The following TRNT1 variants were observed in gnomAD, a reference collection of about 807,000 sequenced individuals.
TRNT1 encodes the protein CCA tRNA nucleotidyltransferase 1, mitochondrial.
Under a neutral mutation model 45.6 loss-of-function variants are expected in TRNT1, and 44 were observed. The observed-to-expected ratio is 0.97, with a 90% CI of 0.76 to 1.24. TRNT1 has a LOEUF of 1.24. Among genes scored for constraint, TRNT1 ranks in the 50% most tolerant of loss-of-function variants. The probability of loss-of-function intolerance (pLI) is 0.00; values close to 1 mark genes in which losing one functional copy is unlikely to be tolerated. For synonymous variants in TRNT1, 201 were observed against 171.4 expected (o/e 1.17, Z -1.35); for missense variants, 633 against 504.4 (o/e 1.25, Z -2.44).
rs1034394338 is a variant in TRNT1, at chr3:3,130,051, C to T, written c.148+863C>T. On this transcript the variant is annotated intron_variant, in intron 2 of 7. Transcript: ENST00000251607. ...AGTGCCAGTAGCTTCTTGCTGTTGC[C>T]ACAGTTTCATTAGTGTTGATTCTCA... is the stretch of plus-strand genomic sequence containing the variant. 3.1e-6 allele frequency: 4 copies of T among 1,287,680 alleles called. No homozygotes were observed. In the East Asian group the frequency reaches 1.0e-4, roughly 33 times the overall value. 79.8% of individuals were successfully genotyped at this position (1,287,680 alleles called of 1,614,324 possible). A position where few individuals can be genotyped will look rare whatever the true frequency, so the allele number is the denominator to read the frequency against.
At position 3,137,661 on chromosome 3, in the gene TRNT1, C is replaced by A. The variant is rs140275799; in HGVS notation, c.342+208C>A. On this transcript the variant is annotated intron_variant, in intron 3 of 7. Coordinates refer to ENST00000251607, the MANE Select transcript of TRNT1 (RefSeq NM_182916.3). ...TTTCTAAAAAGACCTTTGTATGCTA[C>A]GGGTATTTACTTTTCAGTTTTTACT... is the stretch of plus-strand genomic sequence containing the variant. 1.1e-3 allele frequency among the ~76,000 whole-genome samples: 163 copies of A among 152,048 alleles called. 2 individuals are homozygous for A. The highest frequency in any genetic ancestry group is 3.7e-3 in the African/African-American group (154 of 41,390).
intron 4 of TRNT1, 135 bp from the exon 5 acceptor site, chr3:3,144,449 G>A: frequency 1.3e-6 from 1 of 771,280 alleles, no homozygotes; most frequent in South Asian, 1.6e-5. Context: ...TGATATGTAT[G>A]AATACGTATG....
Position 3,146,615 on chromosome 3 carries a change from C to T in TRNT1, c.794C>T (p.Pro265Leu). 6.2e-7 allele frequency: 1 copy of T among 1,605,808 alleles called. No homozygotes were observed. Among genetic ancestry groups the T allele is most frequent in the Non-Finnish European group, 8.5e-7 (1 of 1,176,518 alleles). The stretch of plus-strand genomic sequence containing the variant: ...CTTATCTATGATCTTGATGTGGCTC[C>T]TTATATAGGTGAGAGCAAGTTATAA... The part of the protein sequence containing the change: ...IHLIYDLDVA[P>L]YIGLPANASL... Residue 265 changes from proline to leucine, a missense_variant, in exon 6 of 8, where the codon CCT (proline) becomes CTT (leucine). Pro to Leu is a moderately conservative substitution (Grantham distance 98, BLOSUM62 -3). Transcript: ENST00000251607.
chr3:3,149,622 G>C (rs1360034001), downstream of TRNT1: 1 of 152,082 alleles, frequency 6.6e-6, no homozygotes, highest in Non-Finnish European at 1.5e-5. Flanking sequence ...GAACAAACCA[G>C]ACCAGTGAAG....
Position 3,146,481 on chromosome 3 carries a change from G to A in TRNT1, c.660G>A (p.Leu220=), listed in dbSNP as rs1231980891. 1 of 1,613,938 alleles carries A rather than the reference G, an allele frequency of 6.2e-7. No homozygotes were observed. Among genetic ancestry groups the A allele is most frequent in the Non-Finnish European group, 8.5e-7 (1 of 1,179,940 alleles). ...DKPGDHDPET[L]EAIAENAKGL... ...CTGGTGACCATGATCCTGAGACTTT[G>A]GAAGCAATTGCAGAAAATGCAAAAG... The change falls in exon 6 of 8, where the codon TTG becomes TTA. Residue 220 remains leucine, a synonymous_variant. Transcript: ENST00000251607.
chr3:3,134,586 C>G (rs1705210655), intron 2 of TRNT1, among the ~76,000 whole-genome samples: 1 of 152,152 alleles, frequency 6.6e-6, no homozygotes, highest in Admixed American at 6.5e-5. Flanking sequence ...TGACCTTCTT[C>G]ATCCCACTGT....
At chr3:3,144,964 AT>A (rs1336849185) in intron 5 of TRNT1, 1 of 227,252 alleles carries the variant, frequency 4.4e-6, no homozygotes, top group Non-Finnish European at 8.3e-6. Context: ...TTAAATGTCC[AT>A]TTTTCTTTTT....
At chr3:3,144,887 T>C (rs1705890128) in intron 5 of TRNT1, 177 bp downstream of exon 5, 2 of 427,740 alleles carry the variant, frequency 4.7e-6, no homozygotes, top group Non-Finnish European at 3.7e-6. Flanking sequence ...CTACTTCATA[T>C]TGTATTTTCA....
chr3:3,137,538 G>A (rs1013016911), intron 3 of TRNT1, 85 bp downstream of exon 3: 11 of 1,195,576 alleles, frequency 9.2e-6, no homozygotes, highest in Admixed American at 8.4e-5. Context: ...AGCAAATAAC[G>A]AAAAGTCTAA....
downstream of TRNT1, chr3:3,152,965 A>G (rs1384183250): frequency 6.6e-6 from 2 of 305,060 alleles, no homozygotes; most frequent in Non-Finnish European, 1.2e-5. Context: ...TGCAGAAAGC[A>G]GTTTCCTTAC....
rs561378563 is a variant in TRNT1, at chr3:3,148,054, A to G, written c.1205A>G (p.Lys402Arg). ...AGAAAAGTGGGCATTTCTTCAGGAA[A>G]AGAAATTGGGGCTCTATTACAACAG... ...DIRKVGISSG[K>R]EIGALLQQLR... The change falls in exon 8 of 8, where the codon AAA (lysine) becomes AGA (arginine). Residue 402 changes from lysine (K) to arginine (R), a missense_variant. By Grantham distance (26) the Lys-to-Arg change is conservative. Transcript: ENST00000251607. 2.5e-6 allele frequency: 4 copies of G among 1,613,980 alleles called. No individual in the cohort carries two copies. Among genetic ancestry groups the G allele is most frequent in the South Asian group, 2.2e-5 (2 of 91,076 alleles).
chr3:3,137,080 C>T lies in TRNT1; in HGVS notation c.149-180C>T, dbSNP rs114645157. Reference sequence around the variant, plus strand: ...TTTCCTGTTGGTCCTCAGAGGCACTCTCCTGTAGACAAGTCTTTTTACTTC... The same window carrying T: ...TTTCCTGTTGGTCCTCAGAGGCACTTTCCTGTAGACAAGTCTTTTTACTTC... On this transcript the variant is annotated intron_variant, in intron 2 of 7. Coordinates refer to ENST00000251607, the MANE Select transcript of TRNT1 (RefSeq NM_182916.3). 3.2e-3 allele frequency among the ~76,000 whole-genome samples: 488 copies of T among 152,280 alleles called. 1 individual carries two copies. Among genetic ancestry groups the T allele is most frequent in the African/African-American group, 0.011 (456 of 41,546 alleles).
intron 4 of TRNT1, 39 bp from the exon 5 acceptor site, chr3:3,144,545 G>T (rs1230453154): frequency 1.3e-6 from 2 of 1,547,884 alleles, no homozygotes; most frequent in Non-Finnish European, 8.8e-7. Context: ...ATTCTTATTT[G>T]CCAATAGTGA....
In TRNT1 at chr3:3,148,849, G is replaced by C. The variant is rs1461380847; in HGVS notation, c.*695G>C. On this transcript the variant is annotated 3_prime_UTR_variant, in exon 8 of 8. Coordinates refer to ENST00000251607, the MANE Select transcript of TRNT1 (RefSeq NM_182916.3). ...AATAAAACAAACATTGGTATTGGAA[G>C]ATAAATATGTTTATGTGGTATCTGA... The C allele has an allele frequency of 3.3e-5, 5 of 152,088 alleles. No homozygotes were observed. The highest frequency in any genetic ancestry group is 7.4e-5 in the Non-Finnish European group (5 of 67,992). 9.4% of individuals were successfully genotyped at this position (152,088 alleles called of 1,614,324 possible).
chr3:3,138,509 G>C (rs1199199733), intron 3 of TRNT1, among the ~76,000 whole-genome samples: 1 of 152,068 alleles, frequency 6.6e-6, no homozygotes, highest in East Asian at 1.9e-4. Context: ...AGGGCACTTA[G>C]TGGGCCCTCA....
intron 4 of TRNT1, among the ~76,000 whole-genome samples, chr3:3,144,309 C>T (rs538964063): frequency 6.6e-6 from 1 of 152,260 alleles, no homozygotes; most frequent in African/African-American, 2.4e-5. Context: ...GTCTTGTTGG[C>T]TCCACTCCAC....
At chr3:3,152,471 T>C, downstream of TRNT1, 2 of 1,613,174 alleles carry the variant, frequency 1.2e-6, no homozygotes, top group South Asian at 1.1e-5. Context: ...AAACCAGCTG[T>C]GTTCTGTAGA....
At chr3:3,136,553 C>CT (rs1367214903) in intron 2 of TRNT1, 1 of 396,760 alleles carries the variant, frequency 2.5e-6, no homozygotes. Flanking sequence ...GCCTCAACAT[C>CT]TATCTGTAAA....
chr3:3,148,738 A>ATGAT lies in TRNT1; in HGVS notation c.*586_*589dup, dbSNP rs1390087859. The ATGAT allele has an allele frequency of 1.3e-5, 2 of 152,180 alleles. No homozygotes were observed. Among genetic ancestry groups the ATGAT allele is most frequent in the African/African-American group, 4.8e-5 (2 of 41,450 alleles). The allele number at this position is 152,180 out of a possible 1,614,324, so 9.4% of individuals were successfully genotyped here. On this transcript the variant is annotated 3_prime_UTR_variant, in exon 8 of 8. Coordinates refer to ENST00000251607, the MANE Select transcript of TRNT1 (RefSeq NM_182916.3). ...ATGTGGTTGATATTTTTCTGTCACA[A>ATGAT]TGATTTCTTTATGCATGCAGAGCCT... is the stretch of plus-strand genomic sequence containing the variant.
Sources: gnomAD v4.1 joint callset for allele counts (sites outside exome capture counted in the v4.1 genomes callset) on GRCh38, gnomAD v4.1.1 for gene constraint, MANE v1.5 for transcripts, NCBI Gene and HGNC (gene_info 2026-07-23, HGNC 2026-07-21) for gene names.